MACROD2: variants seen among roughly 807,000 people sequenced by gnomAD.
The protein encoded by MACROD2 is ADP-ribose glycohydrolase MACROD2.
Under a neutral mutation model 70.4 loss-of-function variants are expected in MACROD2, and 36 were observed. The observed-to-expected ratio is 0.51, with a 90% CI of 0.39 to 0.68. The LOEUF (loss-of-function observed/expected upper bound fraction) is 0.68, where lower values mean the gene tolerates loss of function less well. Ranked by LOEUF, MACROD2 falls within the 30% of genes least tolerant of loss-of-function variation. The pLI is 0.00. For synonymous variants in MACROD2, 172 were observed against 178.8 expected (o/e 0.96, Z 0.30); for missense variants, 496 against 538.4 (o/e 0.92, Z 0.78).
At chr20:15,338,540 G>A (rs1188126646) in intron 6 of MACROD2, among the ~76,000 whole-genome samples, 2 of 151,580 alleles carry the variant, frequency 1.3e-5, no homozygotes, top group Non-Finnish European at 2.9e-5. Flanking sequence ...ATGCTAAGAA[G>A]CATCACTGAC....
At chr20:15,280,954 T>C (rs2077438499) in intron 6 of MACROD2, 1 of 152,230 alleles carries the variant, frequency 6.6e-6, no homozygotes, top group South Asian at 2.1e-4. Flanking sequence ...TAACTCATAG[T>C]TTTGCATTGC....
chr20:16,045,104 G>T (rs1173051167), intron 17 of MACROD2, among the ~76,000 whole-genome samples: 1 of 152,102 alleles, frequency 6.6e-6, no homozygotes, highest in Middle Eastern at 3.2e-3. Context: ...CCTGCCTTAG[G>T]TCCTGTTTTT....
At chr20:14,974,572 G>C (rs1015719678) in intron 5 of MACROD2, among the ~76,000 whole-genome samples, 1 of 152,084 alleles carries the variant, frequency 6.6e-6, no homozygotes, top group African/African-American at 2.4e-5. Flanking sequence ...TACGTGAATT[G>C]ACAAGGGAAA....
intron 5 of MACROD2, among the ~76,000 whole-genome samples, chr20:15,191,455 C>G (rs748532083): frequency 3.7e-4 from 56 of 152,086 alleles, no homozygotes; most frequent in Non-Finnish European, 7.3e-5. Flanking sequence ...AGAGGTGGGC[C>G]AAAGGGTGTG....
At chr20:15,419,276 C>A (rs2046196179) in intron 6 of MACROD2, among the ~76,000 whole-genome samples, 1 of 152,182 alleles carries the variant, frequency 6.6e-6, no homozygotes, top group Non-Finnish European at 1.5e-5. Flanking sequence ...CCTCACCCAT[C>A]AGTCATTGGT....
Position 15,997,575 on chromosome 20 carries a change from A to T in MACROD2, c.1153+10417A>T, listed in dbSNP as rs563062533. 3.3e-5 allele frequency among the ~76,000 whole-genome samples: 5 copies of T among 152,280 alleles called. No individual in the cohort carries two copies. The South Asian group carries it at 1.0e-3, about 32-fold the overall frequency. On this transcript the variant is annotated intron_variant, in intron 15 of 17. Transcript: ENST00000684519. ...ATTCGGCAAGTTTAATGAATTTATTAGTTTTAACAGTTTTTTGTTGGTGTC... is the reference window on the plus strand; with the variant it reads ...ATTCGGCAAGTTTAATGAATTTATTTGTTTTAACAGTTTTTTGTTGGTGTC...
intron 12 of MACROD2, among the ~76,000 whole-genome samples, chr20:15,946,530 G>A (rs764109626): frequency 5.9e-5 from 9 of 152,050 alleles, no homozygotes; most frequent in South Asian, 4.2e-4. Flanking sequence ...TCATAAATTC[G>A]TTTATAAACC....
At chr20:15,995,434 C>T (rs1373289645) in intron 15 of MACROD2, among the ~76,000 whole-genome samples, 2 of 151,508 alleles carry the variant, frequency 1.3e-5, no homozygotes, top group East Asian at 1.9e-4. Context: ...ACTGCAAGCT[C>T]CGCCTCCCAG....
intron 3 of MACROD2, among the ~76,000 whole-genome samples, chr20:14,207,643 C>G (rs2081535682): frequency 6.6e-6 from 1 of 152,134 alleles, no homozygotes; most frequent in Non-Finnish European, 1.5e-5. Context: ...ACTCAGAAAG[C>G]TATTCGGTTA....
chr20:14,488,955 G>C (rs1358127640), intron 3 of MACROD2, among the ~76,000 whole-genome samples: 1 of 152,142 alleles, frequency 6.6e-6, no homozygotes, highest in Non-Finnish European at 1.5e-5. Context: ...TCCCAAGTAA[G>C]ACTTCCAATC....
chr20:15,439,627 C>T lies in MACROD2; in HGVS notation c.571+8192C>T, dbSNP rs148548936. ...TGTAAGGCACAGCCTGAGGAATATC[C>T]TCCATGTGATTAACCTGATTTAAGG... On this transcript the variant is annotated intron_variant, in intron 7 of 17. Coordinates refer to ENST00000684519, the MANE Select transcript of MACROD2 (RefSeq NM_001351661.2). Among the ~76,000 whole-genome samples, 233 of 152,260 alleles carry T rather than the reference C, an allele frequency of 1.5e-3. 1 individual carries two copies. The highest frequency in any genetic ancestry group is 5.3e-3 in the African/African-American group (222 of 41,556).
chr20:15,143,293 G>A (rs1165338395), intron 5 of MACROD2, among the ~76,000 whole-genome samples: 13 of 152,122 alleles, frequency 8.5e-5, no homozygotes, highest in East Asian at 1.9e-4. Flanking sequence ...ATGTGTGTTG[G>A]CTGCATAAAT....
chr20:15,834,445 A>G (rs2064090761), intron 8 of MACROD2, among the ~76,000 whole-genome samples: 1 of 152,064 alleles, frequency 6.6e-6, no homozygotes, highest in South Asian at 2.1e-4. Context: ...GTACCTCTTT[A>G]TTTCTTAAGG....
At chr20:15,442,309 G>T (rs1346671934) in intron 7 of MACROD2, among the ~76,000 whole-genome samples, 1 of 152,108 alleles carries the variant, frequency 6.6e-6, no homozygotes, top group Admixed American at 6.6e-5. Flanking sequence ...TTAGGGTAAA[G>T]TTAAACTGTT....
At chr20:15,043,305 CCTGCATTCTTGCATAGGAGCAGCCAG>C (rs1280634304) in intron 5 of MACROD2, among the ~76,000 whole-genome samples, 1 of 152,216 alleles carries the variant, frequency 6.6e-6, no homozygotes, top group Non-Finnish European at 1.5e-5. Flanking sequence ...TAACTCAGTG[CCTGCATTCTTGCATAGGAGCAGCCAG>C]CTGGCTGGGG....
rs150115065 is a variant in MACROD2 at position 14,453,245 on chromosome 20, C to T, written c.272-40234C>T. ...CCTGAGAATGCTTGTAGTTTGTCAG[C>T]GGTTTGGGAATATGGTTCCCCTCTG... On this transcript the variant is annotated intron_variant, in intron 3 of 17. Transcript: ENST00000684519. Among the ~76,000 whole-genome samples, 251 of 152,184 alleles carry T rather than the reference C, an allele frequency of 1.6e-3. 1 individual carries two copies. Among genetic ancestry groups the T allele is most frequent in the African/African-American group, 5.8e-3 (241 of 41,474 alleles).
intron 5 of MACROD2, among the ~76,000 whole-genome samples, chr20:15,085,325 G>A (rs2075738521): frequency 6.6e-6 from 1 of 152,042 alleles, no homozygotes; most frequent in African/African-American, 2.4e-5. Flanking sequence ...TCATGACCTT[G>A]GTTTAAGGCA....
At chr20:15,409,693 G>T (rs1192681110) in intron 6 of MACROD2, among the ~76,000 whole-genome samples, 1 of 152,210 alleles carries the variant, frequency 6.6e-6, no homozygotes, top group African/African-American at 2.4e-5. Flanking sequence ...TATTAAACAA[G>T]TTCCTAGAGG....
At chr20:14,379,680 A>G (rs2083404055) in intron 3 of MACROD2, among the ~76,000 whole-genome samples, 1 of 152,094 alleles carries the variant, frequency 6.6e-6, no homozygotes, top group South Asian at 2.1e-4. Flanking sequence ...TGCCTGTTCT[A>G]GGTACCTCAT....
Sources: gnomAD v4.1 joint callset for allele counts (sites outside exome capture counted in the v4.1 genomes callset) on GRCh38, gnomAD v4.1.1 for gene constraint, MANE v1.5 for transcripts, NCBI Gene and HGNC (gene_info 2026-07-23, HGNC 2026-07-21) for gene names.